The following HTR1F variants were observed in gnomAD, a reference collection of about 807,000 sequenced individuals.
HTR1F encodes 5-hydroxytryptamine (serotonin) receptor 1F, G protein-coupled.
A neutral mutation model predicts 24.0 loss-of-function variants in HTR1F; 17 were observed. That is an observed-to-expected ratio of 0.71 (90% CI 0.48 to 1.06). The LOEUF (loss-of-function observed/expected upper bound fraction) is 1.06, where lower values mean the gene tolerates loss of function less well. Ranked by LOEUF, HTR1F falls within the 50% of genes least tolerant of loss-of-function variation. HTR1F has a pLI of 0.00. For missense variants in HTR1F, 391 were observed against 427.8 expected (o/e 0.91, Z 0.76); for synonymous variants, 186 against 156.8 (o/e 1.19, Z -1.39).
At chr3:87,849,028 C>T (rs894739147) in intron 2 of HTR1F, among the ~76,000 whole-genome samples, 1 of 151,510 alleles carries the variant, frequency 6.6e-6, no homozygotes, top group African/African-American at 2.4e-5. Flanking sequence ...AATGGCCATA[C>T]TGCCCAAGGT....
At chr3:87,856,633 G>C (rs898713329) in intron 2 of HTR1F, among the ~76,000 whole-genome samples, 4 of 152,038 alleles carry the variant, frequency 2.6e-5, no homozygotes, top group African/African-American at 9.7e-5. Flanking sequence ...TCTTCCAACA[G>C]TACAGAGGAA....
intron 2 of HTR1F, among the ~76,000 whole-genome samples, chr3:87,825,526 T>G (rs1470304959): frequency 6.6e-6 from 1 of 152,206 alleles, no homozygotes; most frequent in Non-Finnish European, 1.5e-5. Flanking sequence ...AGAAGAGTCA[T>G]TCCTTAATGC....
intron 2 of HTR1F, among the ~76,000 whole-genome samples, chr3:87,918,894 C>G (rs1163658982): frequency 6.6e-6 from 1 of 151,968 alleles, no homozygotes; most frequent in African/African-American, 2.4e-5. Context: ...TCATATGGAA[C>G]CAACAAAGGG....
chr3:87,794,197 ACCCGAGGAAGACTCTGCCATCG>A (rs777311988), intron 1 of HTR1F, among the ~76,000 whole-genome samples: 151 of 152,072 alleles, frequency 9.9e-4, no homozygotes, highest in Non-Finnish European at 1.8e-3. Flanking sequence ...GCAGAAGCAA[ACCCGAGGAAGACTCTGCCATCG>A]CCTCTGGGCT....
At chr3:87,961,565 C>T (rs566839267) in intron 2 of HTR1F, among the ~76,000 whole-genome samples, 2 of 152,020 alleles carry the variant, frequency 1.3e-5, no homozygotes, top group East Asian at 1.9e-4. Flanking sequence ...AGCTTGAGAC[C>T]AGCCTGGGCA....
Position 87,990,880 on chromosome 3 carries a change from T to A in HTR1F, c.131T>A (p.Val44Glu), listed in dbSNP as rs1206118564. The change falls in exon 3 of 3, where the codon GTG (valine) becomes GAG (glutamate). Residue 44 changes from valine (V) to glutamate (E), a missense_variant. Physicochemically the swap from Val to Glu is moderately radical, Grantham distance 121 (BLOSUM62 -2). Coordinates refer to ENST00000319595, the MANE Select transcript of HTR1F (RefSeq NM_001322209.2). ...ATGACAACAACTATCAACTCCCTTG[T>A]GATCGCTGCAATTATTGTGACCCGG... ...ALMTTTINSL[V>E]IAAIIVTRKL... 1.2e-6 allele frequency: 2 copies of A among 1,614,100 alleles called. No individual in the cohort carries two copies. Among genetic ancestry groups the A allele is most frequent in the African/African-American group, 2.7e-5 (2 of 74,936 alleles).
At chr3:87,955,874 A>G (rs1354726186) in intron 2 of HTR1F, among the ~76,000 whole-genome samples, 4 of 151,302 alleles carry the variant, frequency 2.6e-5, no homozygotes, top group Admixed American at 1.3e-4. Flanking sequence ...TCTATTTTTA[A>G]GTGAGTTTTT....
At chr3:87,890,541 C>CTTTTTTTTT (rs79894798) in intron 2 of HTR1F, among the ~76,000 whole-genome samples, 1 of 134,584 alleles carries the variant, frequency 7.4e-6, no homozygotes, top group Non-Finnish European at 1.6e-5. Flanking sequence ...CTCCTGATGC[C>CTTTTTTTTT]TTTTTTTTTT....
At chr3:87,857,068 G>A (rs1279667951) in intron 2 of HTR1F, among the ~76,000 whole-genome samples, 1 of 151,912 alleles carries the variant, frequency 6.6e-6, no homozygotes, top group Non-Finnish European at 1.5e-5. Context: ...CTCTACCTAG[G>A]ACTGTTCTGT....
At chr3:87,919,509 A>G (rs1294283924) in intron 2 of HTR1F, among the ~76,000 whole-genome samples, 8 of 152,078 alleles carry the variant, frequency 5.3e-5, no homozygotes, top group Non-Finnish European at 1.2e-4. Context: ...TCTACAACGA[A>G]CTCAAACAAA....
intron 2 of HTR1F, among the ~76,000 whole-genome samples, chr3:87,959,859 G>A (rs1188461672): frequency 1.3e-5 from 2 of 151,160 alleles, no homozygotes; most frequent in Non-Finnish European, 3.0e-5. Flanking sequence ...ATTTAAACAG[G>A]TTCTCCAAAT....
chr3:87,861,637 C>T (rs1037763954), intron 2 of HTR1F, among the ~76,000 whole-genome samples: 4 of 152,070 alleles, frequency 2.6e-5, no homozygotes, highest in African/African-American at 4.8e-5. Context: ...ATTTCTCTTG[C>T]TGAAGTTTGA....
intron 2 of HTR1F, among the ~76,000 whole-genome samples, chr3:87,852,298 C>A (rs1432957820): frequency 6.6e-6 from 1 of 151,406 alleles, no homozygotes. Flanking sequence ...ATCAAGAATT[C>A]TTTATATCTG....
At chr3:87,823,193 AG>A (rs1303399314) in intron 2 of HTR1F, among the ~76,000 whole-genome samples, 1 of 152,224 alleles carries the variant, frequency 6.6e-6, no homozygotes, top group African/African-American at 2.4e-5. Flanking sequence ...AATGGATGGC[AG>A]GAATGTACTG....
At chr3:87,906,802 C>A (rs1243487308) in intron 2 of HTR1F, among the ~76,000 whole-genome samples, 1 of 151,942 alleles carries the variant, frequency 6.6e-6, no homozygotes, top group Admixed American at 6.6e-5. Flanking sequence ...TTTGGTTTTT[C>A]ATTCCTGAGT....
At chr3:87,899,173 G>A (rs1445731358) in intron 2 of HTR1F, among the ~76,000 whole-genome samples, 1 of 152,102 alleles carries the variant, frequency 6.6e-6, no homozygotes, top group Non-Finnish European at 1.5e-5. Flanking sequence ...GACAATGCTA[G>A]GCAAGCCAAA....
Position 87,794,104 on chromosome 3 carries a change from T to A in HTR1F, c.-160+1262T>A, listed in dbSNP as rs192254437. On this transcript the variant is annotated intron_variant, in intron 1 of 2. Coordinates refer to ENST00000319595, the MANE Select transcript of HTR1F (RefSeq NM_001322209.2). The stretch of plus-strand genomic sequence containing the variant: ...ACAGTCTAATGATGCTTAAGTTTGG[T>A]GTGCCCCATTTGTCTGTGTGTTTCT... Among the ~76,000 whole-genome samples the A allele has an allele frequency of 1.4e-3, 213 of 152,270 alleles. 1 individual carries two copies. The highest frequency in any genetic ancestry group is 2.2e-3 in the Non-Finnish European group (152 of 68,016).
At chr3:87,803,311 A>T (rs1353123725) in intron 1 of HTR1F, among the ~76,000 whole-genome samples, 2 of 152,158 alleles carry the variant, frequency 1.3e-5, no homozygotes, top group Non-Finnish European at 2.9e-5. Flanking sequence ...TTTTCGTCTT[A>T]AAGAAGTTTA....
At chr3:87,956,930 T>C (rs1704957034) in intron 2 of HTR1F, among the ~76,000 whole-genome samples, 1 of 151,322 alleles carries the variant, frequency 6.6e-6, no homozygotes, top group Admixed American at 6.6e-5. Flanking sequence ...GTGTTATCTT[T>C]TTTTTCTGAT....
Sources: gnomAD v4.1 joint callset for allele counts (sites outside exome capture counted in the v4.1 genomes callset) on GRCh38, gnomAD v4.1.1 for gene constraint, MANE v1.5 for transcripts, NCBI Gene and HGNC (gene_info 2026-07-23, HGNC 2026-07-21) for gene names.